ZNF326: variants seen among roughly 807,000 people sequenced by gnomAD.
ZNF326 encodes the protein DBIRD complex subunit ZNF326.
A neutral mutation model predicts 63.1 loss-of-function variants in ZNF326; 30 were observed. The ratio of observed to expected loss-of-function variants is 0.48; its 90% CI spans 0.36 to 0.64. ZNF326 has a LOEUF of 0.64. Ranked by LOEUF, ZNF326 falls within the 30% of genes least tolerant of loss-of-function variation. ZNF326 has a pLI of 0.00. For synonymous variants in ZNF326, 194 were observed against 228.2 expected (o/e 0.85, Z 1.35); for missense variants, 609 against 720.3 (o/e 0.85, Z 1.77).
At chr1:90,024,884 A>G (rs554345206) in intron 11 of ZNF326, among the ~76,000 whole-genome samples, 1 of 148,686 alleles carries the variant, frequency 6.7e-6, no homozygotes, top group African/African-American at 2.5e-5. Context: ...TCTTTCCTTC[A>G]CCTTTATTAT....
intron 1 of ZNF326, 43 bp from the exon 2 acceptor site, chr1:89,998,067 C>T (rs371240745): frequency 1.3e-6 from 2 of 1,552,868 alleles, no homozygotes; most frequent in Non-Finnish European, 1.8e-6. Context: ...TGAATTATTG[C>T]TAATATCACA....
chr1:90,003,914 A>C (rs892681454), intron 2 of ZNF326, among the ~76,000 whole-genome samples: 7 of 152,150 alleles, frequency 4.6e-5, no homozygotes, highest in South Asian at 2.1e-4. Context: ...TTATATGATT[A>C]TATAAAATTT....
chr1:90,016,286 G>A (rs557452020), intron 7 of ZNF326, among the ~76,000 whole-genome samples: 1 of 152,062 alleles, frequency 6.6e-6, no homozygotes, highest in African/African-American at 2.4e-5. Context: ...TCAGCAGTTG[G>A]CTCCAGAGCT....
intron 11 of ZNF326, among the ~76,000 whole-genome samples, chr1:90,024,470 G>A (rs1205980891): frequency 6.6e-6 from 1 of 152,126 alleles, no homozygotes; most frequent in Non-Finnish European, 1.5e-5. Context: ...TGCCAGTCCT[G>A]TGTTTCCCAG....
In ZNF326 at chr1:89,997,429, A is replaced by G. The variant is rs190690037; in HGVS notation, c.17-681A>G. Among the ~76,000 whole-genome samples the G allele has an allele frequency of 9.9e-3, 1,498 of 151,940 alleles. 21 individuals carry two copies. The highest frequency in any genetic ancestry group is 0.033 in the African/African-American group (1,387 of 41,428). ...CGTTCTGTCGCCCAGGCTGGAGTGCAGTGGTGCAGTCTTGGCTCACTGCAG... is the reference window on the plus strand; with the variant it reads ...CGTTCTGTCGCCCAGGCTGGAGTGCGGTGGTGCAGTCTTGGCTCACTGCAG... On this transcript the variant is annotated intron_variant, in intron 1 of 11. Coordinates refer to ENST00000340281, the MANE Select transcript of ZNF326 (RefSeq NM_182976.4).
At chr1:90,010,007 T>C (rs1649160055) in intron 5 of ZNF326, 81 bp from the exon 6 acceptor site, 8 of 1,367,034 alleles carry the variant, frequency 5.9e-6, no homozygotes, top group African/African-American at 1.5e-5. Context: ...AATTAGTAGA[T>C]AGTTAACATG....
chr1:90,017,171 G>T, intron 7 of ZNF326, 146 bp from the exon 8 acceptor site: 1 of 623,484 alleles, frequency 1.6e-6, no homozygotes, highest in Non-Finnish European at 2.6e-6. Flanking sequence ...TGTTTTTTTT[G>T]GATTTAAGCT....
In ZNF326 at chr1:90,032,701, G is replaced by T. The variant is rs1341067451; in HGVS notation, c.*5000G>T. 1 of 152,192 alleles carries T rather than the reference G, an allele frequency of 6.6e-6. No homozygotes were observed. Among genetic ancestry groups the T allele is most frequent in the South Asian group, 2.1e-4 (1 of 4,834 alleles). The allele number at this position is 152,192 out of a possible 1,614,324, so 9.4% of individuals were successfully genotyped here. On this transcript the variant is annotated 3_prime_UTR_variant, in exon 12 of 12. Transcript: ENST00000340281. ...TGTAGAGACAGCTCTGAGATGGGGTGTCTGTAGTGTGCTAAGCCAGATTTT... is the reference window on the plus strand; with the variant it reads ...TGTAGAGACAGCTCTGAGATGGGGTTTCTGTAGTGTGCTAAGCCAGATTTT...
intron 7 of ZNF326, among the ~76,000 whole-genome samples, chr1:90,015,617 T>C (rs1223675244): frequency 6.6e-6 from 1 of 151,658 alleles, no homozygotes; most frequent in African/African-American, 2.4e-5. Context: ...GAGGTGGAGG[T>C]TGCAGTGAGT....
At chr1:90,011,260 A>G (rs1649217477) in intron 6 of ZNF326, among the ~76,000 whole-genome samples, 1 of 152,182 alleles carries the variant, frequency 6.6e-6, no homozygotes, top group Non-Finnish European at 1.5e-5. Flanking sequence ...TGGGCATTTA[A>G]AAAGATGATT....
At chr1:90,012,822 A>T (rs1337805824) in intron 6 of ZNF326, among the ~76,000 whole-genome samples, 2 of 152,166 alleles carry the variant, frequency 1.3e-5, no homozygotes, top group Non-Finnish European at 2.9e-5. Flanking sequence ...GGTGATAAGG[A>T]TATTATTGCT....
At chr1:90,013,262 A>T in intron 7 of ZNF326, 25 bp downstream of exon 7, 1 of 1,482,154 alleles carries the variant, frequency 6.7e-7, no homozygotes, top group East Asian at 2.4e-5. Flanking sequence ...TCAGAAAATT[A>T]GGTTCATTAA....
At chr1:90,021,926 T>C (rs1649788023) in intron 10 of ZNF326, among the ~76,000 whole-genome samples, 1 of 152,154 alleles carries the variant, frequency 6.6e-6, no homozygotes, top group African/African-American at 2.4e-5. Flanking sequence ...AATTATTCTT[T>C]ATTTTTTGAC....
chr1:90,023,221 A>C (rs1336057794), intron 11 of ZNF326, among the ~76,000 whole-genome samples: 1 of 152,156 alleles, frequency 6.6e-6, no homozygotes, highest in Non-Finnish European at 1.5e-5. Context: ...GGTCTGATAG[A>C]AGTTATTTTT....
At chr1:90,014,758 G>C (rs1461243564) in intron 7 of ZNF326, among the ~76,000 whole-genome samples, 1 of 152,160 alleles carries the variant, frequency 6.6e-6, no homozygotes, top group Non-Finnish European at 1.5e-5. Flanking sequence ...TAGTCCTTGT[G>C]AGTTCTCTGT....
At position 90,006,378 on chromosome 1, in the gene ZNF326, C is replaced by T. The variant is rs937724567; in HGVS notation, c.210-967C>T. 5.1e-6 allele frequency: 5 copies of T among 982,548 alleles called. No homozygotes were observed. The African/African-American group carries it at 5.3e-5, about 10-fold the overall frequency. The allele number at this position is 982,548 out of a possible 1,614,324, so 60.9% of individuals were successfully genotyped here. A position where few individuals can be genotyped will look rare whatever the true frequency, so the allele number is the denominator to read the frequency against. Reference sequence around the variant, plus strand: ...GAATGTAATGTGCATAAGCTATATCCGTAGATGTTATTGTTTTATCTCATG... The same window carrying T: ...GAATGTAATGTGCATAAGCTATATCTGTAGATGTTATTGTTTTATCTCATG... On this transcript the variant is annotated intron_variant, in intron 4 of 11. Transcript: ENST00000340281.
intron 9 of ZNF326, 111 bp from the exon 10 acceptor site, chr1:90,020,681 C>T: frequency 9.4e-7 from 1 of 1,067,512 alleles, no homozygotes; most frequent in Non-Finnish European, 1.4e-6. Flanking sequence ...GCACTCTGAT[C>T]TTTATTTTGG....
At position 90,007,785 on chromosome 1, in the gene ZNF326, C is replaced by G. The variant is rs763906607; in HGVS notation, c.615+35C>G. ...ACAGAATCTTTTCAGATTCTTTTCA[C>G]TAGTCACTCTTTTAAACCCTTTCAA... On this transcript the variant is annotated intron_variant, in intron 5 of 11. Transcript: ENST00000340281. This position sits in a 1 kb window ranked among gnomAD's most constrained non-coding sequence, Gnocchi z 4.9. 7.5e-6 allele frequency: 11 copies of G among 1,473,956 alleles called. No homozygotes were observed. The highest frequency in any genetic ancestry group is 9.9e-6 in the Non-Finnish European group (11 of 1,109,628). The allele number at this position is 1,473,956 out of a possible 1,614,324, so 91.3% of individuals were successfully genotyped here.
At chr1:90,024,786 C>G (rs1371853827) in intron 11 of ZNF326, among the ~76,000 whole-genome samples, 3 of 152,014 alleles carry the variant, frequency 2.0e-5, no homozygotes, top group African/African-American at 7.2e-5. Context: ...CAGCCACTTC[C>G]CATATGCTTA....
Sources: gnomAD v4.1 joint callset for allele counts (sites outside exome capture counted in the v4.1 genomes callset) on GRCh38, gnomAD v4.1.1 for gene constraint, Gnocchi (gnomAD v3.1) non-coding constraint, MANE v1.5 for transcripts, NCBI Gene and HGNC (gene_info 2026-07-23, HGNC 2026-07-21) for gene names.